Variants in DLC1 observed in about 807,000 individuals in gnomAD.
DLC1 encodes the protein rho GTPase-activating protein 7.
In DLC1, 54 loss-of-function variants were observed where a neutral mutation model predicts 140.3. The ratio of observed to expected loss-of-function variants is 0.38; its 90% CI spans 0.31 to 0.48. The LOEUF is 0.48. Ranked by LOEUF, DLC1 falls within the 20% of genes least tolerant of loss-of-function variation. DLC1 has a pLI of 0.96. For synonymous variants in DLC1, 986 were observed against 728.1 expected (o/e 1.35, Z -5.70); for missense variants, 2,536 against 1,907.0 (o/e 1.33, Z -6.14).
chr8:13,179,471 A>C (rs972953242), intron 5 of DLC1, among the ~76,000 whole-genome samples: 1 of 152,186 alleles, frequency 6.6e-6, no homozygotes, highest in African/African-American at 2.4e-5. Context: ...CTGTAATCCC[A>C]GCACTTTAGG....
At chr8:13,599,373 T>C (rs761253569) in intron 1 of DLC1, among the ~76,000 whole-genome samples, 2 of 151,974 alleles carry the variant, frequency 1.3e-5, no homozygotes, top group African/African-American at 2.4e-5. Flanking sequence ...AGAAAACCTG[T>C]ACAAATCAAT....
At chr8:13,460,852 T>C (rs1162388906) in intron 2 of DLC1, among the ~76,000 whole-genome samples, 2 of 152,226 alleles carry the variant, frequency 1.3e-5, no homozygotes, top group Non-Finnish European at 2.9e-5. Flanking sequence ...ACAGTTTTCT[T>C]TCCTCTATGG....
chr8:13,283,494 T>C (rs7832848), intron 5 of DLC1, among the ~76,000 whole-genome samples: 1,851 of 152,282 alleles, frequency 0.012, 45 homozygotes, highest in African/African-American at 0.041. Flanking sequence ...AAACCAAATA[T>C]AACCTGGCAG....
intron 4 of DLC1, among the ~76,000 whole-genome samples, chr8:13,323,094 G>A (rs1009142179): frequency 2.0e-5 from 3 of 152,142 alleles, no homozygotes; most frequent in Non-Finnish European, 4.4e-5. Context: ...AAAACCCTAT[G>A]ACATAGGCTC....
chr8:13,382,529 A>AAAAAAAAAAAGAAAG (rs557423876), intron 4 of DLC1, among the ~76,000 whole-genome samples: 9 of 109,454 alleles, frequency 8.2e-5, no homozygotes, highest in African/African-American at 1.1e-4. Context: ...AAAAAAAAAA[A>AAAAAAAAAAAGAAAG]AAAGAAAGAG....
Position 13,469,641 on chromosome 8 carries a change from T to G in DLC1, c.1023+29408A>C, listed in dbSNP as rs1800113547. The stretch of plus-strand genomic sequence containing the variant: ...TATAATTTTTCATTCCCTAAAAGTT[T>G]TATTGAAATCTGTGTTTGAAGGTTA... On this transcript the variant is annotated intron_variant, in intron 2 of 17. Transcript: ENST00000276297. Among the ~76,000 whole-genome samples, 3 of 152,320 alleles carry G rather than the reference T, an allele frequency of 2.0e-5. No homozygotes were observed. In the South Asian group the frequency reaches 6.2e-4, roughly 32 times the overall value.
At chr8:13,394,644 T>C (rs979213850) in intron 3 of DLC1, among the ~76,000 whole-genome samples, 10 of 152,172 alleles carry the variant, frequency 6.6e-5, no homozygotes, top group African/African-American at 1.7e-4. Context: ...TATCTCTATG[T>C]ATCCTCTTTA....
At chr8:13,512,261 TTC>T (rs1179039469) in intron 1 of DLC1, among the ~76,000 whole-genome samples, 1 of 151,992 alleles carries the variant, frequency 6.6e-6, no homozygotes, top group Non-Finnish European at 1.5e-5. Flanking sequence ...TCGTGACACA[TTC>T]TCTCTAAGGA....
In DLC1 at chr8:13,099,948, T is replaced by C; in HGVS notation, c.2389A>G (p.Asn797Asp). ...FNNVVEQNFKNRESYPEDTVF... is the reference protein window; with the variant it reads ...FNNVVEQNFKDRESYPEDTVF... ...GTGTCCTCTGGGTAGCTCTCGCGGTTCTTAAAGTTCTGCTCCACCACGTTG... is the reference window on the plus strand; with the variant it reads ...GTGTCCTCTGGGTAGCTCTCGCGGTCCTTAAAGTTCTGCTCCACCACGTTG... The change falls in exon 9 of 18, where the codon AAC becomes GAC. Residue 797 changes from asparagine to aspartate, a missense_variant. Asn to Asp is a conservative substitution (Grantham distance 23). Transcript: ENST00000276297. The C allele has an allele frequency of 6.2e-7, 1 of 1,613,360 alleles. No homozygotes were observed. Among genetic ancestry groups the C allele is most frequent in the Non-Finnish European group, 8.5e-7 (1 of 1,180,032 alleles).
intron 4 of DLC1, among the ~76,000 whole-genome samples, chr8:13,344,536 A>G (rs1261320322): frequency 8.5e-5 from 13 of 152,214 alleles, no homozygotes; most frequent in Non-Finnish European, 1.9e-4. Flanking sequence ...CTACAGGGAA[A>G]GTTCTACTAA....
chr8:13,466,826 T>C (rs540013617), intron 2 of DLC1, among the ~76,000 whole-genome samples: 21 of 152,158 alleles, frequency 1.4e-4, no homozygotes, highest in Non-Finnish European at 2.8e-4. Flanking sequence ...TTGCTGGAAA[T>C]TAGAGAAATG....
At chr8:13,430,999 A>G (rs1000200492) in intron 2 of DLC1, among the ~76,000 whole-genome samples, 1 of 152,208 alleles carries the variant, frequency 6.6e-6, no homozygotes, top group Non-Finnish European at 1.5e-5. Context: ...ACAAATGAGA[A>G]TAATCTATAA....
At chr8:13,401,968 T>C (rs1460987514) in intron 2 of DLC1, among the ~76,000 whole-genome samples, 1 of 152,196 alleles carries the variant, frequency 6.6e-6, no homozygotes, top group African/African-American at 2.4e-5. Flanking sequence ...AATTGATTAT[T>C]TAAAAGGTAC....
chr8:13,472,864 CT>C (rs1800272510), intron 2 of DLC1, among the ~76,000 whole-genome samples: 1 of 152,076 alleles, frequency 6.6e-6, no homozygotes, highest in African/African-American at 2.4e-5. Flanking sequence ...TTTCTTCTTC[CT>C]CTTTATTTTT....
intron 2 of DLC1, among the ~76,000 whole-genome samples, chr8:13,416,099 G>T (rs1838043905): frequency 1.3e-5 from 2 of 152,154 alleles, no homozygotes; most frequent in Admixed American, 1.3e-4. Context: ...CACATGTTCA[G>T]TGACAGGTGT....
At chr8:13,489,178 A>G (rs941000523) in intron 2 of DLC1, among the ~76,000 whole-genome samples, 1 of 151,988 alleles carries the variant, frequency 6.6e-6, no homozygotes, top group Non-Finnish European at 1.5e-5. Flanking sequence ...AACTCCTGAC[A>G]TCAGGTGATC....
chr8:13,250,386 C>G (rs1280528322), intron 5 of DLC1, among the ~76,000 whole-genome samples: 1 of 152,156 alleles, frequency 6.6e-6, no homozygotes, highest in Non-Finnish European at 1.5e-5. Flanking sequence ...TTTCTTCACT[C>G]CCATGCTCTT....
intron 1 of DLC1, among the ~76,000 whole-genome samples, chr8:13,555,344 G>C (rs573407521): frequency 4.0e-5 from 6 of 151,464 alleles, no homozygotes; most frequent in African/African-American, 1.2e-4. Flanking sequence ...TTTTTAATAA[G>C]GTATTTCAAA....
At chr8:13,249,104 C>A (rs1586001508) in intron 5 of DLC1, among the ~76,000 whole-genome samples, 2 of 152,136 alleles carry the variant, frequency 1.3e-5, no homozygotes, top group South Asian at 4.1e-4. Flanking sequence ...GAGACAAAGT[C>A]TCGCTCTTGT....
Sources: gnomAD v4.1 joint callset for allele counts (sites outside exome capture counted in the v4.1 genomes callset) on GRCh38, gnomAD v4.1.1 for gene constraint, MANE v1.5 for transcripts, NCBI Gene and HGNC (gene_info 2026-07-23, HGNC 2026-07-21) for gene names.